The following FAM13A variants were observed in gnomAD, a reference collection of about 807,000 sequenced individuals.
FAM13A encodes the protein protein FAM13A.
In FAM13A, 76 loss-of-function variants were observed where a neutral mutation model predicts 129.6. The ratio of observed to expected loss-of-function variants is 0.59; its 90% CI spans 0.49 to 0.71. The LOEUF is 0.71. Ranked by LOEUF, FAM13A falls within the 30% of genes least tolerant of loss-of-function variation. The pLI is 0.00. For missense variants in FAM13A, 1,108 were observed against 1,249.3 expected (o/e 0.89, Z 1.70); for synonymous variants, 443 against 449.9 (o/e 0.98, Z 0.20).
intron 6 of FAM13A, among the ~76,000 whole-genome samples, chr4:88,899,405 G>C (rs1174524064): frequency 1.3e-5 from 2 of 151,820 alleles, no homozygotes; most frequent in East Asian, 3.9e-4. Flanking sequence ...GGTGATAAGT[G>C]AACCAAAATC....
intron 6 of FAM13A, among the ~76,000 whole-genome samples, chr4:88,879,789 T>G (rs562995887): frequency 6.6e-6 from 1 of 152,284 alleles, no homozygotes; most frequent in South Asian, 2.1e-4. Flanking sequence ...GCCAGGTGCC[T>G]GAGTGACCAG....
chr4:88,935,202 A>C (rs1266790347), intron 5 of FAM13A, among the ~76,000 whole-genome samples: 2 of 152,228 alleles, frequency 1.3e-5, no homozygotes, highest in African/African-American at 4.8e-5. Flanking sequence ...CCTATGACAG[A>C]AAAAGACTCC....
chr4:88,997,271 C>T (rs138639289), intron 3 of FAM13A, among the ~76,000 whole-genome samples: 2 of 152,290 alleles, frequency 1.3e-5, no homozygotes, highest in Admixed American at 1.3e-4. Context: ...TAATGGTTCA[C>T]AATTAAAATA....
intron 3 of FAM13A, among the ~76,000 whole-genome samples, chr4:89,003,293 A>C (rs1352660308): frequency 6.6e-6 from 1 of 151,940 alleles, no homozygotes; most frequent in Non-Finnish European, 1.5e-5. Context: ...GAAAAAAAAA[A>C]AAACTGCATC....
At chr4:88,851,976 C>T (rs1384707745) in intron 6 of FAM13A, among the ~76,000 whole-genome samples, 10 of 152,100 alleles carry the variant, frequency 6.6e-5, no homozygotes, top group Admixed American at 6.6e-4. Flanking sequence ...TTAGAAACCT[C>T]GGATCAATTG....
intron 7 of FAM13A, among the ~76,000 whole-genome samples, chr4:88,811,001 A>G (rs1729565121): frequency 6.6e-6 from 1 of 152,200 alleles, no homozygotes; most frequent in South Asian, 2.1e-4. Flanking sequence ...ACTATGCTAA[A>G]TACACATCTC....
intron 1 of FAM13A, among the ~76,000 whole-genome samples, chr4:89,049,343 G>A (rs1560955795): frequency 6.6e-6 from 1 of 151,968 alleles, no homozygotes; most frequent in Non-Finnish European, 1.5e-5. Context: ...AGTGTTAAGT[G>A]AAGACTCACT....
In FAM13A at chr4:88,731,847, AAG is replaced by A. The variant is rs1156578593; in HGVS notation, c.2843+153_2843+154del. 18 of 643,208 alleles carry A rather than the reference AAG, an allele frequency of 2.8e-5. No homozygotes were observed. The Middle Eastern group carries it at 1.6e-3, about 57-fold the overall frequency. The allele number at this position is 643,208 out of a possible 1,614,324, so 39.8% of individuals were successfully genotyped here. A position where few individuals can be genotyped will look rare whatever the true frequency, so the allele number is the denominator to read the frequency against. On this transcript the variant is annotated intron_variant, in intron 22 of 23. Coordinates refer to ENST00000264344, the MANE Select transcript of FAM13A (RefSeq NM_014883.4). Reference sequence around the variant, plus strand: ...TAACATGGGCTGAAGCATATAAAAAAAGAAATTTTTTAAAAAATCACCGTTTT... The same window carrying A: ...TAACATGGGCTGAAGCATATAAAAAAAAATTTTTTAAAAAATCACCGTTTT...
intron 6 of FAM13A, among the ~76,000 whole-genome samples, chr4:88,902,434 G>T (rs1035165354): frequency 6.6e-6 from 1 of 151,966 alleles, no homozygotes; most frequent in African/African-American, 2.4e-5. Flanking sequence ...TCATCCCTGG[G>T]ATGCAAGGTT....
At chr4:89,034,522 T>G (rs190313190) in intron 1 of FAM13A, among the ~76,000 whole-genome samples, 1 of 152,340 alleles carries the variant, frequency 6.6e-6, no homozygotes, top group Non-Finnish European at 1.5e-5. Context: ...TAGAGATTTC[T>G]CAAAGAACTA....
intron 10 of FAM13A, among the ~76,000 whole-genome samples, chr4:88,785,091 G>T (rs1399450508): frequency 6.6e-6 from 1 of 152,062 alleles, no homozygotes; most frequent in Admixed American, 6.6e-5. Context: ...GACGACTTTA[G>T]TATGACTTTA....
rs867759471 is a variant in FAM13A, at chr4:88,727,981, G to A, written c.*552C>T. The A allele has an allele frequency of 6.5e-6, 1 of 152,920 alleles. No individual in the cohort carries two copies. Among genetic ancestry groups the A allele is most frequent in the East Asian group, 1.9e-4 (1 of 5,192 alleles). The allele number at this position is 152,920 out of a possible 1,614,324, so 9.5% of individuals were successfully genotyped here. A position where few individuals can be genotyped will look rare whatever the true frequency, so the allele number is the denominator to read the frequency against. On this transcript the variant is annotated 3_prime_UTR_variant, in exon 24 of 24. Coordinates refer to ENST00000264344, the MANE Select transcript of FAM13A (RefSeq NM_014883.4). ...CTGAAGGGGAAAACCTTTCACACAC[G>A]TGAGGAAGGCGCAGCTCTGTGGAAA...
chr4:88,881,331 T>C (rs575927255), intron 6 of FAM13A, among the ~76,000 whole-genome samples: 10 of 152,192 alleles, frequency 6.6e-5, no homozygotes, highest in Non-Finnish European at 1.5e-4. Flanking sequence ...AGTACTAGCC[T>C]GGAGCTTGGT....
intron 7 of FAM13A, among the ~76,000 whole-genome samples, chr4:88,827,438 C>A (rs1284354131): frequency 1.3e-5 from 2 of 152,168 alleles, no homozygotes; most frequent in South Asian, 4.2e-4. Context: ...AGCTCTGAGG[C>A]TGCTCTGAGG....
At chr4:89,004,230 T>G (rs370596523) in intron 3 of FAM13A, among the ~76,000 whole-genome samples, 1 of 152,176 alleles carries the variant, frequency 6.6e-6, no homozygotes, top group East Asian at 1.9e-4. Flanking sequence ...TCTCCACCTC[T>G]CGGATTCAAA....
intron 4 of FAM13A, among the ~76,000 whole-genome samples, chr4:88,948,681 G>A (rs1756379175): frequency 6.6e-6 from 1 of 152,018 alleles, no homozygotes; most frequent in African/African-American, 2.4e-5. Flanking sequence ...TAGAGGCGGG[G>A]TTTCACCATG....
rs1411266135 is a variant in FAM13A at position 88,749,546 on chromosome 4, C to T, written c.2079+225G>A. On this transcript the variant is annotated intron_variant, in intron 16 of 23. Coordinates refer to ENST00000264344, the MANE Select transcript of FAM13A (RefSeq NM_014883.4). ...TACTGATTAATTTATAAAATGTAGACTTAAGCTTTCATTTTTTTTTTTGTA... is the reference window on the plus strand; with the variant it reads ...TACTGATTAATTTATAAAATGTAGATTTAAGCTTTCATTTTTTTTTTTGTA... 2.0e-5 allele frequency among the ~76,000 whole-genome samples: 3 copies of T among 152,066 alleles called. No homozygotes were observed. The East Asian group carries it at 5.8e-4, about 29-fold the overall frequency.
chr4:88,913,680 A>C (rs1749591164), intron 5 of FAM13A, among the ~76,000 whole-genome samples: 1 of 152,240 alleles, frequency 6.6e-6, no homozygotes, highest in Admixed American at 6.5e-5. Context: ...ATGTGTGTTG[A>C]ATAAATGAAT....
At chr4:89,018,429 C>T (rs1197670109) in intron 3 of FAM13A, among the ~76,000 whole-genome samples, 1 of 152,138 alleles carries the variant, frequency 6.6e-6, no homozygotes, top group Non-Finnish European at 1.5e-5. Context: ...AAATTTCTCT[C>T]GTTTAGGCTT....
Sources: allele counts gnomAD v4.1 joint callset (sites outside exome capture counted in the v4.1 genomes callset), GRCh38; gene constraint gnomAD v4.1.1; transcripts MANE v1.5; gene names NCBI Gene and HGNC (gene_info 2026-07-23, HGNC 2026-07-21).